MKRN2: variants seen among roughly 807,000 people sequenced by gnomAD.
MKRN2 encodes makorin ring finger protein 2, also known as E3 ubiquitin-protein ligase makorin-2.
Under a neutral mutation model 45.4 loss-of-function variants are expected in MKRN2, and 32 were observed. The ratio of observed to expected loss-of-function variants is 0.70; its 90% CI spans 0.53 to 0.95. The LOEUF (loss-of-function observed/expected upper bound fraction) is 0.95. Ranked by LOEUF, MKRN2 falls within the 40% of genes least tolerant of loss-of-function variation. The pLI is 0.00. For missense variants in MKRN2, 526 were observed against 536.7 expected, an observed-to-expected ratio of 0.98 and a Z score of 0.20; for synonymous variants, 206 against 192.4, an observed-to-expected ratio of 1.07 and a Z score of -0.59.
rs772515384 is a variant in MKRN2, at chr3:12,557,116, C to T, written c.-35C>T. On this transcript the variant is annotated 5_prime_UTR_variant, in exon 1 of 8. Coordinates refer to ENST00000170447, the MANE Select transcript of MKRN2 (RefSeq NM_014160.5). ...CCGAGGCGGCAGCGGCTGCGAGAGGCGGCGGCACGACGACGGTCCCTCAGC... is the reference window on the plus strand; with the variant it reads ...CCGAGGCGGCAGCGGCTGCGAGAGGTGGCGGCACGACGACGGTCCCTCAGC... 1.0e-5 allele frequency: 15 copies of T among 1,490,480 alleles called. No individual in the cohort carries two copies. Among genetic ancestry groups the T allele is most frequent in the Middle Eastern group, 1.7e-4 (1 of 5,762 alleles). 92.3% of individuals were successfully genotyped at this position (1,490,480 alleles called of 1,614,324 possible). A position where few individuals can be genotyped will look rare whatever the true frequency, so the allele number is the denominator to read the frequency against.
At chr3:12,576,883 G>T (rs568097999) in intron 6 of MKRN2, 142 bp downstream of exon 6, 2 of 445,478 alleles carry the variant, frequency 4.5e-6, no homozygotes, top group East Asian at 8.1e-5. Context: ...TGGGCTCTGG[G>T]ATGCAGCAAT....
intron 1 of MKRN2, among the ~76,000 whole-genome samples, chr3:12,561,254 A>G (rs1193372158): frequency 6.6e-6 from 1 of 152,196 alleles, no homozygotes. Flanking sequence ...GTTGGCAGTT[A>G]AATATTTGTA....
chr3:12,559,435 T>A (rs542914143), intron 1 of MKRN2, among the ~76,000 whole-genome samples: 1 of 152,280 alleles, frequency 6.6e-6, no homozygotes, highest in South Asian at 2.1e-4. Context: ...GGGTTTTGTT[T>A]GTTTTTTTGT....
chr3:12,572,995 G>A (rs529340326), intron 4 of MKRN2, among the ~76,000 whole-genome samples: 236 of 152,260 alleles, frequency 1.5e-3, no homozygotes, highest in African/African-American at 4.9e-3. Flanking sequence ...ATGGTATGTC[G>A]TCTGTGTGTA....
intron 2 of MKRN2, among the ~76,000 whole-genome samples, chr3:12,569,805 G>A (rs929938970): frequency 6.6e-6 from 1 of 152,196 alleles, no homozygotes; most frequent in African/African-American, 2.4e-5. Flanking sequence ...CAGGTTCTCT[G>A]TGTGGTCTGG....
At chr3:12,558,505 C>G (rs771494629) in intron 1 of MKRN2, among the ~76,000 whole-genome samples, 1 of 152,112 alleles carries the variant, frequency 6.6e-6, no homozygotes, top group African/African-American at 2.4e-5. Flanking sequence ...ATTCCCGTAC[C>G]TCATCTAAGA....
chr3:12,579,688 G>A lies in MKRN2; in HGVS notation c.969-2120G>A, dbSNP rs1006996034. Among the ~76,000 whole-genome samples, 34 of 152,188 alleles carry A rather than the reference G, an allele frequency of 2.2e-4. 1 individual carries two copies. Among genetic ancestry groups the A allele is most frequent in the Non-Finnish European group, 3.8e-4 (26 of 68,030 alleles). On this transcript the variant is annotated intron_variant, in intron 6 of 7. Transcript: ENST00000170447. ...ATGGGCACAGAAGGGTGTAGGTTTTGTGTCTGGGGGACACTGGGAGTGGCT... is the reference window on the plus strand; with the variant it reads ...ATGGGCACAGAAGGGTGTAGGTTTTATGTCTGGGGGACACTGGGAGTGGCT...
chr3:12,576,931 G>GTGTTTTTTTT (rs2058141921), intron 6 of MKRN2, 190 bp downstream of exon 6: 1 of 124,118 alleles, frequency 8.1e-6, no homozygotes, highest in Non-Finnish European at 1.5e-5. Flanking sequence ...TTTAGTTTTG[G>GTGTTTTTTTT]TGTTTTTTTT....
chr3:12,570,223 A>G lies in MKRN2; in HGVS notation c.308A>G (p.Glu103Gly), dbSNP rs556705353. The G allele has an allele frequency of 2.9e-4, 474 of 1,614,150 alleles. 1 individual carries two copies. In the South Asian group the frequency reaches 4.4e-3, roughly 15 times the overall value. Reference protein sequence around the residue: ...KTNSHEPGKREKRTLVLRDRN... With the variant: ...KTNSHEPGKRGKRTLVLRDRN... ...AACTCACATGAACCCGGAAAGCGTG[A>G]AAAGAGAACATTGGTTCTTAGAGAC... Residue 103 changes from glutamate to glycine, a missense_variant, in exon 3 of 8, where the codon GAA (glutamate) becomes GGA (glycine). Coordinates refer to ENST00000170447, the MANE Select transcript of MKRN2 (RefSeq NM_014160.5).
chr3:12,578,857 GA>G (rs1427629988), intron 6 of MKRN2, among the ~76,000 whole-genome samples: 2 of 109,152 alleles, frequency 1.8e-5, no homozygotes, highest in African/African-American at 6.6e-5. Context: ...ACTAAAGCTT[GA>G]TTTTTTTTTT....
chr3:12,575,188 G>A (rs1019863820), intron 5 of MKRN2, among the ~76,000 whole-genome samples, 182 bp downstream of exon 5: 1 of 152,132 alleles, frequency 6.6e-6, no homozygotes, highest in Non-Finnish European at 1.5e-5. Flanking sequence ...TCCTATAAAA[G>A]ATGGGCAACA....
intron 1 of MKRN2, 114 bp from the exon 2 acceptor site, chr3:12,568,761 C>G: frequency 1.4e-6 from 2 of 1,388,030 alleles, no homozygotes; most frequent in South Asian, 2.8e-5. Flanking sequence ...CCTAATAGAG[C>G]CTTTATACAT....
At position 12,563,913 on chromosome 3, in the gene MKRN2, C is replaced by T. The variant is rs1365265100; in HGVS notation, c.27-4962C>T. Among the ~76,000 whole-genome samples, 6 of 150,504 alleles carry T rather than the reference C, an allele frequency of 4.0e-5. No individual in the cohort carries two copies. The East Asian group carries it at 5.9e-4, about 15-fold the overall frequency. ...ATTGTGAATAATGCTGGTATGAACACGGGTGTGCAAATGTTTGTTTGAGTC... is the reference window on the plus strand; with the variant it reads ...ATTGTGAATAATGCTGGTATGAACATGGGTGTGCAAATGTTTGTTTGAGTC... On this transcript the variant is annotated intron_variant, in intron 1 of 7. Transcript: ENST00000170447.
At chr3:12,563,345 G>T (rs2058050668) in intron 1 of MKRN2, among the ~76,000 whole-genome samples, 2 of 152,132 alleles carry the variant, frequency 1.3e-5, no homozygotes, top group Admixed American at 6.5e-5. Context: ...AGAGAAACAG[G>T]TGGAGAAGTC....
rs140338775 is a variant in MKRN2 at position 12,571,097 on chromosome 3, A to C, written c.337+845A>C. Among the ~76,000 whole-genome samples, 391 of 127,578 alleles carry C rather than the reference A, an allele frequency of 3.1e-3. 1 individual carries two copies. Among genetic ancestry groups the C allele is most frequent in the Non-Finnish European group, 3.9e-3 (248 of 63,260 alleles). 83.7% of individuals were successfully genotyped at this position (127,578 alleles called of 152,430 possible). On this transcript the variant is annotated intron_variant, in intron 3 of 7. Transcript: ENST00000170447. ...GAGGAAGAAAGCTACAAATTGTAAA[A>C]GTTTTTTTGTTGTGTTTTTTGTTTG...
intron 3 of MKRN2, 43 bp downstream of exon 3, chr3:12,570,295 C>A: frequency 6.4e-7 from 1 of 1,572,714 alleles, no homozygotes; most frequent in South Asian, 1.2e-5. Context: ...TTGCATAGCA[C>A]TCTTGTTAAT....
At position 12,582,624 on chromosome 3, in the gene MKRN2, G is replaced by C. The variant is rs1238003044; in HGVS notation, c.*371G>C. ...TAAACTTGCAGCTGCCCCTAATGCA[G>C]CATATTTTTCTTACCAAAGGAGTCT... On this transcript the variant is annotated 3_prime_UTR_variant, in exon 8 of 8. Coordinates refer to ENST00000170447, the MANE Select transcript of MKRN2 (RefSeq NM_014160.5). 1.5e-5 allele frequency: 3 copies of C among 197,240 alleles called. No individual in the cohort carries two copies. The highest frequency in any genetic ancestry group is 3.2e-5 in the Non-Finnish European group (3 of 93,974). The allele number at this position is 197,240 out of a possible 1,614,324, so 12.2% of individuals were successfully genotyped here. A position where few individuals can be genotyped will look rare whatever the true frequency, so the allele number is the denominator to read the frequency against.
Position 12,575,107 on chromosome 3 carries a change from CTG to C in MKRN2, c.857+102_857+103del. The C allele has an allele frequency of 3.7e-6, 4 of 1,068,608 alleles. No individual in the cohort carries two copies. In the Admixed American group the frequency reaches 8.9e-5, roughly 24 times the overall value. The allele number at this position is 1,068,608 out of a possible 1,614,324, so 66.2% of individuals were successfully genotyped here. ...AGCCCTCCGTTACCCTCAAGAGTAACTGGTGAGTTCTGGCCCCTGGCTGCATG... is the reference window on the plus strand; with the variant it reads ...AGCCCTCCGTTACCCTCAAGAGTAACGTGAGTTCTGGCCCCTGGCTGCATG... On this transcript the variant is annotated intron_variant, in intron 5 of 7. Transcript: ENST00000170447.
In MKRN2 at chr3:12,582,339, C is replaced by T. The variant is rs1026457773; in HGVS notation, c.*86C>T. 2 of 1,542,648 alleles carry T rather than the reference C, an allele frequency of 1.3e-6. No individual in the cohort carries two copies. Among genetic ancestry groups the T allele is most frequent in the African/African-American group, 2.7e-5 (2 of 73,002 alleles). On this transcript the variant is annotated 3_prime_UTR_variant, in exon 8 of 8. Transcript: ENST00000170447. ...GTGCGGAGCTTCCCTGTACTGCAGC[C>T]AAGGTGACGTGTGACTTGGATTTGA...
Sources: gnomAD v4.1 joint callset for allele counts (sites outside exome capture counted in the v4.1 genomes callset) on GRCh38, gnomAD v4.1.1 for gene constraint, MANE v1.5 for transcripts, NCBI Gene and HGNC (gene_info 2026-07-23, HGNC 2026-07-21) for gene names.